The following ANK3 variants were observed in gnomAD, a reference collection of about 807,000 sequenced individuals.
The protein encoded by ANK3 is ankyrin 3, also known as ankyrin-3.
In ANK3, 57 loss-of-function variants were observed where a neutral mutation model predicts 370.9. The observed-to-expected ratio is 0.15, with a 90% confidence interval of 0.12 to 0.19. The LOEUF (loss-of-function observed/expected upper bound fraction) is 0.19. ANK3 is among the 10% of genes least tolerant of loss of function. The pLI, the probability that ANK3 is intolerant of heterozygous loss-of-function variation, is 1.00. For synonymous variants in ANK3, 1,929 were observed against 1,946.3 expected (o/e 0.99, Z 0.23); for missense variants, 4,439 against 5,302.1 (o/e 0.84, Z 5.06).
intron 7 of ANK3, among the ~76,000 whole-genome samples, chr10:60,257,861 C>T (rs183453641): frequency 4.7e-4 from 71 of 152,196 alleles, no homozygotes; most frequent in Non-Finnish European, 1.8e-4. Flanking sequence ...TGCTAAATGG[C>T]AAGACTAACA....
intron 25 of ANK3, among the ~76,000 whole-genome samples, chr10:60,117,975 G>T (rs1408630614): frequency 6.6e-6 from 1 of 151,726 alleles, no homozygotes; most frequent in Non-Finnish European, 1.5e-5. Context: ...GAAAAGTGTG[G>T]AAAAAAAAGC....
Position 60,315,061 on chromosome 10 carries a change from C to A in ANK3, c.115-35422G>T, listed in dbSNP as rs1307013573. ...TACTTTCCATTAGAGTGGAATTTTC[C>A]AGTTTACGCAGCCCATTATCCACCC... On this transcript the variant is annotated intron_variant, in intron 1 of 43. Coordinates refer to ENST00000280772, the MANE Select transcript of ANK3 (RefSeq NM_020987.5). Among the ~76,000 whole-genome samples, 4 of 152,082 alleles carry A rather than the reference C, an allele frequency of 2.6e-5. 1 individual carries two copies. Among genetic ancestry groups the A allele is most frequent in the Non-Finnish European group, 5.9e-5 (4 of 68,020 alleles).
intron 2 of ANK3, among the ~76,000 whole-genome samples, chr10:60,477,830 C>G (rs2075113064): frequency 6.6e-6 from 1 of 152,020 alleles, no homozygotes; most frequent in African/African-American, 2.4e-5. Flanking sequence ...TATCCCTGTT[C>G]TTTCCACAGT....
intron 38 of ANK3, among the ~76,000 whole-genome samples, chr10:60,064,685 C>T (rs1477244161): frequency 6.6e-5 from 10 of 151,696 alleles, no homozygotes; most frequent in South Asian, 4.2e-4. Context: ...ACAACAACAA[C>T]AACAACAACA....
chr10:60,076,998 A>C (rs536953460), intron 36 of ANK3, among the ~76,000 whole-genome samples: 35 of 152,340 alleles, frequency 2.3e-4, no homozygotes, highest in African/African-American at 7.7e-4. Flanking sequence ...TATACATTAA[A>C]TATCTAAAAC....
intron 8 of ANK3, among the ~76,000 whole-genome samples, chr10:60,224,726 A>G (rs2097111204): frequency 6.6e-6 from 1 of 152,126 alleles, no homozygotes; most frequent in African/African-American, 2.4e-5. Context: ...TCAAGCAGAG[A>G]GAACTCTGCA....
At chr10:60,197,089 C>A (rs566335830) in intron 14 of ANK3, among the ~76,000 whole-genome samples, 1 of 152,134 alleles carries the variant, frequency 6.6e-6, no homozygotes, top group Non-Finnish European at 1.5e-5. Flanking sequence ...TCTCACATCA[C>A]CAGACCAGCC....
intron 4 of ANK3, among the ~76,000 whole-genome samples, chr10:60,270,789 GGTCTTTAAGAGCAAAAAAGA>G (rs1299785792): frequency 2.0e-5 from 3 of 152,040 alleles, no homozygotes; most frequent in Non-Finnish European, 4.4e-5. Context: ...CCACAGATGT[GGTCTTTAAGAGCAAAAAAGA>G]AATGCCGATT....
intron 1 of ANK3, among the ~76,000 whole-genome samples, chr10:60,695,258 T>G (rs922556363): frequency 1.1e-4 from 17 of 152,074 alleles, no homozygotes; most frequent in African/African-American, 4.1e-4. Context: ...AAGCAAGCCC[T>G]GAGTGACCTA....
chr10:60,643,553 C>T (rs183800314), intron 1 of ANK3, among the ~76,000 whole-genome samples: 98 of 143,790 alleles, frequency 6.8e-4, no homozygotes, highest in African/African-American at 2.5e-3. Context: ...TCCATCCATC[C>T]TATTAGCTCT....
At position 60,375,849 on chromosome 10, in the gene ANK3, T is replaced by G. The variant is rs533334302; in HGVS notation, c.114+13576A>C. ...GCAAATTTACTTTGCCCATTTTCAC[T>G]GATGACTATCACTAAATATGCTTAG... On this transcript the variant is annotated intron_variant, in intron 1 of 43. Coordinates refer to ENST00000280772, the MANE Select transcript of ANK3 (RefSeq NM_020987.5). Among the ~76,000 whole-genome samples, 8 of 152,332 alleles carry G rather than the reference T, an allele frequency of 5.3e-5. No individual in the cohort carries two copies. In the East Asian group the frequency reaches 1.2e-3, roughly 22 times the overall value.
At chr10:60,301,345 TAC>T (rs1205495095) in intron 1 of ANK3, among the ~76,000 whole-genome samples, 1 of 142,842 alleles carries the variant, frequency 7.0e-6, no homozygotes, top group African/African-American at 2.6e-5. Flanking sequence ...TACATATATA[TAC>T]ACACACATGC....
chr10:60,597,498 A>G (rs2078004101), intron 2 of ANK3, among the ~76,000 whole-genome samples: 1 of 152,186 alleles, frequency 6.6e-6, no homozygotes, highest in Non-Finnish European at 1.5e-5. Context: ...CTTCCCAGTG[A>G]CCAGTCAAGC....
chr10:60,529,724 A>C (rs1211291590), intron 2 of ANK3, among the ~76,000 whole-genome samples: 2 of 152,206 alleles, frequency 1.3e-5, no homozygotes, highest in African/African-American at 4.8e-5. Flanking sequence ...CTGATTAAGC[A>C]CTGGCATATA....
In ANK3 at chr10:60,064,253, T is replaced by C. The variant is rs780668883; in HGVS notation, c.12355A>G (p.Ile4119Val). Residue 4119 changes from isoleucine (I) to valine (V), a missense_variant, in exon 39 of 44, where the codon ATC becomes GTC. Ile to Val is a conservative substitution (Grantham distance 29). This residue lies in a region of ANK3 where 99 missense variants were observed against 150.7 expected (regional missense o/e 0.66). Coordinates refer to ENST00000280772, the MANE Select transcript of ANK3 (RefSeq NM_020987.5). Reference sequence around the variant, plus strand: ...GGATTTTCCACACGTATTTGATTGATTTCATCCACTGAAAAATTCAGTTCC... The same window carrying C: ...GGATTTTCCACACGTATTTGATTGACTTCATCCACTGAAAAATTCAGTTCC... ...ARELNFSVDE[I>V]NQIRVENPNS... 1 of 1,579,578 alleles carries C rather than the reference T, an allele frequency of 6.3e-7. No individual in the cohort carries two copies. The highest frequency in any genetic ancestry group is 8.5e-7 in the Non-Finnish European group (1 of 1,169,902).
intron 2 of ANK3, among the ~76,000 whole-genome samples, chr10:60,531,292 A>C (rs76204536): frequency 0.075 from 11,359 of 152,180 alleles, 596 homozygotes; most frequent in South Asian, 0.18. Context: ...AAAGATTCAC[A>C]CAGTATATTA....
At chr10:60,651,755 A>G (rs2078791760) in intron 1 of ANK3, among the ~76,000 whole-genome samples, 2 of 152,064 alleles carry the variant, frequency 1.3e-5, no homozygotes, top group African/African-American at 4.8e-5. Flanking sequence ...TATGATGAAG[A>G]CTTATATTTG....
chr10:60,523,675 T>C (rs561793330), intron 2 of ANK3, among the ~76,000 whole-genome samples: 199 of 152,116 alleles, frequency 1.3e-3, no homozygotes, highest in Admixed American at 4.7e-3. Flanking sequence ...AAGTCTTTGC[T>C]ATTGTGAATA....
chr10:60,202,484 G>C (rs888222239), intron 12 of ANK3, among the ~76,000 whole-genome samples: 2 of 152,206 alleles, frequency 1.3e-5, no homozygotes, highest in African/African-American at 4.8e-5. Flanking sequence ...AATGAACGTA[G>C]TTCGTAAGTC....
Sources: gnomAD v4.1 joint callset for allele counts (sites outside exome capture counted in the v4.1 genomes callset) on GRCh38, gnomAD v4.1.1 for gene constraint, gnomAD v4.1.1 regional missense constraint, MANE v1.5 for transcripts, NCBI Gene and HGNC (gene_info 2026-07-23, HGNC 2026-07-21) for gene names.